The following DIAPH2 variants were observed in gnomAD, a reference collection of about 807,000 sequenced individuals.
DIAPH2 encodes diaphanous related formin 2.
Under a neutral mutation model 92.7 loss-of-function variants are expected in DIAPH2, and 35 were observed. That is an observed-to-expected ratio of 0.38 (90% confidence interval 0.29 to 0.50). DIAPH2 has a LOEUF of 0.50. Ranked by LOEUF, DIAPH2 falls within the 20% of genes least tolerant of loss-of-function variation. DIAPH2 has a pLI of 0.94. For synonymous variants in DIAPH2, 301 were observed against 280.4 expected (o/e 1.07, Z -0.73); for missense variants, 701 against 819.5 (o/e 0.86, Z 1.77).
intron 1 of DIAPH2, among the ~76,000 whole-genome samples, chrX:96,691,128 C>T (rs936278391): frequency 1.8e-5 from 2 of 111,695 alleles, no homozygotes; most frequent in Non-Finnish European, 3.8e-5. Context: ...TAACAGCATA[C>T]ATAATATATG....
chrX:97,253,698 C>T (rs765849634), intron 23 of DIAPH2, among the ~76,000 whole-genome samples: 8 of 110,159 alleles, frequency 7.3e-5, no homozygotes, highest in African/African-American at 2.3e-4. Flanking sequence ...TGCAGTGAGC[C>T]GAGATTGTGC....
chrX:97,320,479 C>T (rs2068882891), intron 23 of DIAPH2, among the ~76,000 whole-genome samples: 1 of 110,833 alleles, frequency 9.0e-6, no homozygotes, highest in Non-Finnish European at 1.9e-5. Flanking sequence ...TCTGGGAAGC[C>T]GAGGCGGGCG....
intron 4 of DIAPH2, among the ~76,000 whole-genome samples, chrX:96,781,792 T>A (rs989335286): frequency 9.0e-6 from 1 of 111,031 alleles, no homozygotes; most frequent in Non-Finnish European, 1.9e-5. Context: ...ATTAAATTAA[T>A]TCTTTAAGGT....
intron 22 of DIAPH2, 103 bp from the exon 23 acceptor site, chrX:97,247,612 T>G: frequency 1.3e-6 from 1 of 745,986 alleles, no homozygotes; most frequent in East Asian, 3.4e-5. Flanking sequence ...TGGAACTATT[T>G]CCCACATTTA....
intron 26 of DIAPH2, among the ~76,000 whole-genome samples, chrX:97,501,025 A>G (rs190588815): frequency 9.2e-6 from 1 of 109,244 alleles, no homozygotes; most frequent in African/African-American, 3.3e-5. Flanking sequence ...GTTGTTGTCT[A>G]AAATGAATTT....
chrX:97,299,364 G>C (rs141525990), intron 23 of DIAPH2, among the ~76,000 whole-genome samples: 1,937 of 111,899 alleles, frequency 0.017, 12 homozygotes, highest in Middle Eastern at 0.11. Context: ...TGGATAAGAT[G>C]TTTCATTTTA....
At chrX:96,760,652 G>A (rs752556271) in intron 4 of DIAPH2, among the ~76,000 whole-genome samples, 22 of 111,311 alleles carry the variant, frequency 2.0e-4, no homozygotes, top group Admixed American at 1.7e-3. Flanking sequence ...GTAAAATGAA[G>A]CTATACACCA....
intron 22 of DIAPH2, among the ~76,000 whole-genome samples, chrX:97,164,227 A>G (rs1310469316): frequency 1.8e-5 from 2 of 112,106 alleles, no homozygotes; most frequent in Non-Finnish European, 3.8e-5. Context: ...AGTACAATGA[A>G]AAGAGCTAAG....
intron 26 of DIAPH2, among the ~76,000 whole-genome samples, chrX:97,556,990 T>A (rs1277301464): frequency 8.9e-6 from 1 of 112,001 alleles, no homozygotes; most frequent in East Asian, 2.8e-4. Flanking sequence ...TGAAGCTGCC[T>A]TTTGAGTTAT....
intron 17 of DIAPH2, among the ~76,000 whole-genome samples, chrX:97,014,379 T>A (rs1394999695): frequency 8.9e-6 from 1 of 112,122 alleles, no homozygotes; most frequent in Non-Finnish European, 1.9e-5. Flanking sequence ...AGATTTTATT[T>A]TCGTAAAATT....
At chrX:97,301,150 CAAAA>C (rs1220185711) in intron 23 of DIAPH2, among the ~76,000 whole-genome samples, 2 of 32,267 alleles carry the variant, frequency 6.2e-5, no homozygotes, top group South Asian at 2.2e-3. Flanking sequence ...GACTCCGTCT[CAAAA>C]AAAAAAAAAA....
chrX:97,274,507 C>CA (rs34298005), intron 23 of DIAPH2, among the ~76,000 whole-genome samples: 35,566 of 90,907 alleles, frequency 0.39, 5,343 homozygotes, highest in East Asian at 0.66. Flanking sequence ...GACTCCATCT[C>CA]AAAAAAAAAA....
intron 26 of DIAPH2, among the ~76,000 whole-genome samples, chrX:97,488,911 A>G (rs1369296293): frequency 8.9e-6 from 1 of 111,850 alleles, no homozygotes; most frequent in Admixed American, 9.5e-5. Context: ...TTCTTTCTCA[A>G]GATTTCTTTG....
At chrX:97,443,049 C>T (rs2070275527) in intron 26 of DIAPH2, among the ~76,000 whole-genome samples, 1 of 110,083 alleles carries the variant, frequency 9.1e-6, no homozygotes, top group African/African-American at 3.3e-5. Flanking sequence ...ACTATAGGCT[C>T]ACAGCACTGT....
chrX:97,349,157 C>T (rs182912030), intron 24 of DIAPH2, among the ~76,000 whole-genome samples: 1,170 of 104,957 alleles, frequency 0.011, 18 homozygotes, highest in African/African-American at 0.039. Flanking sequence ...GGCGTGATCT[C>T]GGCTCACTGC....
At chrX:96,862,467 G>T (rs765177778) in intron 4 of DIAPH2, among the ~76,000 whole-genome samples, 2 of 111,460 alleles carry the variant, frequency 1.8e-5, no homozygotes, top group Non-Finnish European at 3.8e-5. Flanking sequence ...TCCCTGAAGG[G>T]AACTTCATTT....
chrX:96,962,424 TATATACATATATATATAC>T (rs1424613517), intron 16 of DIAPH2, among the ~76,000 whole-genome samples: 32 of 77,363 alleles, frequency 4.1e-4, no homozygotes, highest in African/African-American at 1.7e-3. Flanking sequence ...TATACACATA[TATATACATATATATATAC>T]ATATATACAC....
At position 97,348,107 on chromosome X, in the gene DIAPH2, A is replaced by G. The variant is rs771317014; in HGVS notation, c.2845-9A>G. 2.9e-5 allele frequency: 35 copies of G among 1,208,670 alleles called. No individual in the cohort carries two copies. The East Asian group carries it at 1.0e-3, about 36-fold the overall frequency. On this transcript the variant is annotated splice_polypyrimidine_tract_variant and intron_variant, in intron 23 of 26. Coordinates refer to ENST00000324765, the MANE Select transcript of DIAPH2 (RefSeq NM_006729.5). ...TACTGTTGAGCCATGTTCCTTAACAAAAAGCTACAGCTTTACAAAGACTGC... is the reference window on the plus strand; with the variant it reads ...TACTGTTGAGCCATGTTCCTTAACAGAAAGCTACAGCTTTACAAAGACTGC...
At chrX:96,918,808 G>T (rs1041524738) in intron 9 of DIAPH2, among the ~76,000 whole-genome samples, 191 bp downstream of exon 9, 4 of 111,754 alleles carry the variant, frequency 3.6e-5, no homozygotes, top group African/African-American at 1.3e-4. Context: ...TATAAATGTG[G>T]CAGTTATGGC....
Sources: allele counts gnomAD v4.1 joint callset (sites outside exome capture counted in the v4.1 genomes callset), GRCh38; gene constraint gnomAD v4.1.1; transcripts MANE v1.5; gene names NCBI Gene and HGNC (gene_info 2026-07-23, HGNC 2026-07-21).